CDH23: variants seen among roughly 807,000 people sequenced by gnomAD.
The protein encoded by CDH23 is cadherin related 23, also known as cadherin-23.
CDH23 carries 189 observed loss-of-function variants against 317.1 expected under a neutral mutation model. That is an observed-to-expected ratio of 0.60 (90% CI 0.53 to 0.67). The LOEUF is 0.67. Ranked by LOEUF, CDH23 falls within the 30% of genes least tolerant of loss-of-function variation. The pLI is 0.00. For synonymous variants in CDH23, 1,839 were observed against 1,876.8 expected, an observed-to-expected ratio of 0.98 and a Z score of 0.52; for missense variants, 4,401 against 4,592.4, an observed-to-expected ratio of 0.96 and a Z score of 1.20.
intron 6 of CDH23, among the ~76,000 whole-genome samples, chr10:71,542,438 T>C (rs937279914): frequency 6.6e-6 from 1 of 152,208 alleles, no homozygotes; most frequent in Admixed American, 6.5e-5. Context: ...CCTCTGTCTT[T>C]AGGGTCTTGC....
At position 71,442,792 on chromosome 10, in the gene CDH23, C is replaced by T. The variant is rs943195676; in HGVS notation, c.67+2894C>T. Among the ~76,000 whole-genome samples, 23 of 152,176 alleles carry T rather than the reference C, an allele frequency of 1.5e-4. 1 individual carries two copies. The highest frequency in any genetic ancestry group is 5.6e-4 in the African/African-American group (23 of 41,438). On this transcript the variant is annotated intron_variant, in intron 2 of 69. Transcript: ENST00000224721. Reference sequence around the variant, plus strand: ...TCTGACCATGCGGCCACCTGGCTTCCCCACCCGACAACATGTCAGGCTTCT... The same window carrying T: ...TCTGACCATGCGGCCACCTGGCTTCTCCACCCGACAACATGTCAGGCTTCT...
At chr10:71,733,077 C>G (rs1425135745) in intron 32 of CDH23, among the ~76,000 whole-genome samples, 1 of 152,184 alleles carries the variant, frequency 6.6e-6, no homozygotes, top group African/African-American at 2.4e-5. Flanking sequence ...GACCAACTGG[C>G]TAAATCAGAG....
chr10:71,798,326 T>A, intron 49 of CDH23, 28 bp from the exon 50 acceptor site: 1 of 1,560,556 alleles, frequency 6.4e-7, no homozygotes, highest in Non-Finnish European at 8.8e-7. Context: ...GTCCTTCCCC[T>A]CTCCCTCACT....
At chr10:71,812,678 CAAG>C in intron 67 of CDH23, 69 bp downstream of exon 67, 1 of 1,612,356 alleles carries the variant, frequency 6.2e-7, no homozygotes. Context: ...AACCTCTGGC[CAAG>C]AAGCTGGGTT....
chr10:71,438,283 G>A (rs1439696311), intron 1 of CDH23, among the ~76,000 whole-genome samples: 1 of 146,950 alleles, frequency 6.8e-6, no homozygotes, highest in Admixed American at 6.9e-5. Flanking sequence ...GGTGGAGGTT[G>A]CAGTGAGCCG....
chr10:71,587,230 T>A lies in CDH23; in HGVS notation c.832+9238T>A, dbSNP rs529538112. ...CTTCTAAAACTCACATTTTTTTTCC[T>A]GCTATTGTTTGCTATTCTGCCTGAG... On this transcript the variant is annotated intron_variant, in intron 9 of 69. Coordinates refer to ENST00000224721, the MANE Select transcript of CDH23 (RefSeq NM_022124.6). Among the ~76,000 whole-genome samples, 2 of 152,254 alleles carry A rather than the reference T, an allele frequency of 1.3e-5. 1 individual carries two copies. Among genetic ancestry groups the A allele is most frequent in the South Asian group, 4.1e-4 (2 of 4,830 alleles).
At chr10:71,420,636 C>G (rs1848769323) in intron 1 of CDH23, among the ~76,000 whole-genome samples, 1 of 151,010 alleles carries the variant, frequency 6.6e-6, no homozygotes, top group Non-Finnish European at 1.5e-5. Context: ...TTATTGGGAA[C>G]TTAATATAGG....
At chr10:71,524,735 G>C (rs1454342293) in intron 6 of CDH23, among the ~76,000 whole-genome samples, 2 of 152,174 alleles carry the variant, frequency 1.3e-5, no homozygotes, top group Non-Finnish European at 1.5e-5. Context: ...CATGACAGTG[G>C]ATGCAGAGGT....
intron 60 of CDH23, among the ~76,000 whole-genome samples, chr10:71,809,175 T>TTC (rs1343929349): frequency 7.9e-4 from 99 of 125,984 alleles, no homozygotes; most frequent in African/African-American, 2.8e-3. Flanking sequence ...TCCTTTTTTT[T>TTC]TTTTTTTTTT....
intron 11 of CDH23, among the ~76,000 whole-genome samples, chr10:71,622,114 C>T (rs981261443): frequency 6.6e-6 from 1 of 152,126 alleles, no homozygotes; most frequent in Non-Finnish European, 1.5e-5. Context: ...AGCCTCATTC[C>T]CCTGCACCTG....
Position 71,779,412 on chromosome 10 carries a change from A to G in CDH23, c.5333A>G (p.Gln1778Arg). The change falls in exon 41 of 70, where the codon CAG becomes CGG. Residue 1778 changes from glutamine to arginine, a missense_variant. Gln to Arg is a conservative substitution (Grantham distance 43). Coordinates refer to ENST00000224721, the MANE Select transcript of CDH23 (RefSeq NM_022124.6). ...AHDRDSGPNG[Q>R]VEYSIMDGDP... Reference sequence around the variant, plus strand: ...GACCGAGACTCAGGACCCAACGGGCAGGTGGAGTACAGCATCATGGATGGA... The same window carrying G: ...GACCGAGACTCAGGACCCAACGGGCGGGTGGAGTACAGCATCATGGATGGA... 1 of 1,613,130 alleles carries G rather than the reference A, an allele frequency of 6.2e-7. No individual in the cohort carries two copies.
intron 32 of CDH23, chr10:71,732,702 T>C: frequency 7.7e-7 from 1 of 1,291,700 alleles, no homozygotes; most frequent in South Asian, 2.0e-5. Context: ...TATGTAGGAG[T>C]AAGATAAAGT....
intron 2 of CDH23, 37 bp downstream of exon 2, chr10:71,439,935 G>C (rs1849797465): frequency 6.6e-7 from 1 of 1,518,134 alleles, no homozygotes; most frequent in African/African-American, 1.4e-5. Flanking sequence ...CCCATGGGCA[G>C]CCTCTGCACG....
chr10:71,714,248 G>C (rs1229017422), intron 28 of CDH23: 2 of 152,096 alleles, frequency 1.3e-5, no homozygotes, highest in Non-Finnish European at 2.9e-5. Flanking sequence ...GGAAGATGAG[G>C]CTCTGTGTTA....
At chr10:71,432,295 T>A (rs1564575976) in intron 1 of CDH23, among the ~76,000 whole-genome samples, 2 of 44,958 alleles carry the variant, frequency 4.4e-5, no homozygotes, top group African/African-American at 3.5e-4. Context: ...AGAGTGTGTG[T>A]GTGAGTGTGT....
chr10:71,605,443 C>T (rs1015391533), intron 9 of CDH23, among the ~76,000 whole-genome samples: 1 of 152,122 alleles, frequency 6.6e-6, no homozygotes, highest in Non-Finnish European at 1.5e-5. Context: ...GCCAGGGGTG[C>T]TGCTGAACAA....
At chr10:71,555,157 C>T (rs1029252352) in intron 6 of CDH23, among the ~76,000 whole-genome samples, 11 of 152,172 alleles carry the variant, frequency 7.2e-5, no homozygotes, top group Admixed American at 3.9e-4. Flanking sequence ...AACTGGATTT[C>T]CCAACTCATA....
chr10:71,807,306 A>C lies in CDH23; in HGVS notation c.8208A>C (p.Thr2736=), dbSNP rs745516677. Residue 2736 remains threonine (T), a synonymous_variant, in exon 58 of 70, where the codon ACA becomes ACC. Transcript: ENST00000224721. ...PKGSPQYQLL[T]VPEHSPRGTL... ...GCAGCCCCCAGTACCAGCTGCTGAC[A>C]GTGCCTGAGCACTCACCACGCGGCA... 3 of 1,613,934 alleles carry C rather than the reference A, an allele frequency of 1.9e-6. No homozygotes were observed. The highest frequency in any genetic ancestry group is 1.3e-5 in the African/African-American group (1 of 75,048).
intron 3 of CDH23, among the ~76,000 whole-genome samples, chr10:71,482,013 A>C (rs910764610): frequency 1.3e-5 from 2 of 150,920 alleles, no homozygotes; most frequent in African/African-American, 2.4e-5. Flanking sequence ...TCCTCTTCCC[A>C]CCCTCCCCGT....
Sources: allele counts gnomAD v4.1 joint callset (sites outside exome capture counted in the v4.1 genomes callset), GRCh38; gene constraint gnomAD v4.1.1; transcripts MANE v1.5; gene names NCBI Gene and HGNC (gene_info 2026-07-23, HGNC 2026-07-21).